TRHDE: variants seen among roughly 807,000 people sequenced by gnomAD.
TRHDE encodes thyrotropin releasing hormone degrading enzyme, also known as thyrotropin-releasing hormone-degrading ectoenzyme.
Under a neutral mutation model 125.7 loss-of-function variants are expected in TRHDE, and 72 were observed. That is an observed-to-expected ratio of 0.57 (90% CI 0.47 to 0.70). The LOEUF (loss-of-function observed/expected upper bound fraction) is 0.70. Ranked by LOEUF, TRHDE falls within the 30% of genes least tolerant of loss-of-function variation. The pLI is 0.00. For synonymous variants in TRHDE, 509 were observed against 509.1 expected, an observed-to-expected ratio of 1.00 and a Z score of 0.00; for missense variants, 1,110 against 1,327.1, an observed-to-expected ratio of 0.84 and a Z score of 2.54.
At chr12:72,593,645 C>T (rs1484440757) in intron 12 of TRHDE, among the ~76,000 whole-genome samples, 1 of 152,120 alleles carries the variant, frequency 6.6e-6, no homozygotes, top group Non-Finnish European at 1.5e-5. Context: ...AGGTATATCT[C>T]CTAATGCTAT....
At chr12:72,605,364 C>T (rs6582095) in intron 12 of TRHDE, among the ~76,000 whole-genome samples, 61,395 of 151,884 alleles carry the variant, frequency 0.4, 14,418 homozygotes, top group African/African-American at 0.64. Flanking sequence ...CATTATACTC[C>T]TTGCGACTCA....
chr12:72,369,396 A>G (rs918616050), intron 2 of TRHDE, among the ~76,000 whole-genome samples: 1 of 152,198 alleles, frequency 6.6e-6, no homozygotes, highest in Non-Finnish European at 1.5e-5. Flanking sequence ...AAAGAAGAAT[A>G]CACAGGAGTA....
Position 72,501,914 on chromosome 12 carries a change from G to A in TRHDE, c.1722+2279G>A, listed in dbSNP as rs906131433. ...CGAGCATTGGTAGTTTCTTTCTCACGCACTTCGCCCATTTCATCTAAAATG... is the reference window on the plus strand; with the variant it reads ...CGAGCATTGGTAGTTTCTTTCTCACACACTTCGCCCATTTCATCTAAAATG... On this transcript the variant is annotated intron_variant, in intron 6 of 18. Transcript: ENST00000261180. 3.3e-5 allele frequency among the ~76,000 whole-genome samples: 5 copies of A among 151,914 alleles called. No homozygotes were observed. The East Asian group carries it at 7.7e-4, about 23-fold the overall frequency.
chr12:72,464,190 C>A (rs11179218), intron 3 of TRHDE, among the ~76,000 whole-genome samples: 14,407 of 152,174 alleles, frequency 0.095, 865 homozygotes, highest in African/African-American at 0.16. Context: ...AGAGAGCAGT[C>A]TGGGCATGTG....
intron 1 of TRHDE, among the ~76,000 whole-genome samples, chr12:72,282,298 A>G (rs937218394): frequency 4.6e-5 from 7 of 152,016 alleles, no homozygotes; most frequent in Non-Finnish European, 8.8e-5. Context: ...AATTTTTTAT[A>G]TTTATTATAC....
intron 1 of TRHDE, among the ~76,000 whole-genome samples, chr12:72,285,385 C>CA (rs1296995274): frequency 6.6e-6 from 1 of 152,102 alleles, no homozygotes; most frequent in African/African-American, 2.4e-5. Context: ...CTTCAGAACT[C>CA]AATAGTATTC....
At chr12:72,586,780 T>G (rs1196764260) in intron 12 of TRHDE, among the ~76,000 whole-genome samples, 1 of 142,648 alleles carries the variant, frequency 7.0e-6, no homozygotes, top group Admixed American at 6.9e-5. Flanking sequence ...CAGGTGGTCA[T>G]GCTAACCAAA....
chr12:72,096,134 TACACACAC>T (rs144560604), intron 1 of TRHDE, among the ~76,000 whole-genome samples: 13 of 145,196 alleles, frequency 9.0e-5, no homozygotes, highest in Admixed American at 4.8e-4. Flanking sequence ...CTTATGTGTA[TACACACAC>T]ACACACACAC....
chr12:72,115,062 C>A (rs1402390419), intron 2 of TRHDE, among the ~76,000 whole-genome samples: 1 of 151,874 alleles, frequency 6.6e-6, no homozygotes. Context: ...ATGGGGTATC[C>A]ATCTATCCTT....
At chr12:72,334,485 G>A (rs910347084) in intron 2 of TRHDE, among the ~76,000 whole-genome samples, 1 of 152,182 alleles carries the variant, frequency 6.6e-6, no homozygotes, top group African/African-American at 2.4e-5. Context: ...ATGAAGGGGA[G>A]CCGGATATGG....
chr12:72,185,060 C>T (rs970579118), intron 2 of TRHDE, among the ~76,000 whole-genome samples: 1 of 152,050 alleles, frequency 6.6e-6, no homozygotes, highest in Non-Finnish European at 1.5e-5. Flanking sequence ...GAGCGGGAAC[C>T]GGGGCTGCCT....
intron 2 of TRHDE, among the ~76,000 whole-genome samples, chr12:72,196,345 C>T (rs1255326093): frequency 1.3e-5 from 2 of 152,106 alleles, no homozygotes; most frequent in Non-Finnish European, 2.9e-5. Flanking sequence ...TTGAATCTTC[C>T]AATCCATGAG....
At chr12:72,379,099 T>C (rs1480999443) in intron 3 of TRHDE, among the ~76,000 whole-genome samples, 1 of 152,176 alleles carries the variant, frequency 6.6e-6, no homozygotes, top group Non-Finnish European at 1.5e-5. Context: ...GCTTACTTGA[T>C]CAAAAGTTTT....
At chr12:72,445,977 G>C (rs1875257714) in intron 3 of TRHDE, among the ~76,000 whole-genome samples, 3 of 151,716 alleles carry the variant, frequency 2.0e-5, no homozygotes, top group Non-Finnish European at 4.4e-5. Context: ...TTTATTTACA[G>C]GTCTCTACTC....
At chr12:72,374,292 A>AGTGT (rs148577049) in intron 2 of TRHDE, among the ~76,000 whole-genome samples, 10,466 of 133,952 alleles carry the variant, frequency 0.078, 423 homozygotes, top group Middle Eastern at 0.12. Context: ...TAGAAGGAGA[A>AGTGT]GTGTGTGTGT....
At chr12:72,108,448 A>T (rs1193988938) in intron 2 of TRHDE, among the ~76,000 whole-genome samples, 1 of 152,120 alleles carries the variant, frequency 6.6e-6, no homozygotes, top group Non-Finnish European at 1.5e-5. Flanking sequence ...ACACTGATAC[A>T]TATATTTTTT....
chr12:72,294,475 G>A (rs1047468071), intron 2 of TRHDE, among the ~76,000 whole-genome samples: 7 of 152,086 alleles, frequency 4.6e-5, no homozygotes, highest in Non-Finnish European at 7.4e-5. Context: ...TGGTCATCCC[G>A]TTGCTTGTGC....
chr12:72,319,099 A>G (rs1298496380), intron 2 of TRHDE, among the ~76,000 whole-genome samples: 4 of 152,144 alleles, frequency 2.6e-5, no homozygotes, highest in African/African-American at 4.8e-5. Flanking sequence ...GTAAATACTG[A>G]GAATACAGGA....
rs868683846 is a variant in TRHDE, at chr12:72,499,567, C to G, written c.1654C>G (p.Pro552Ala). 6.2e-7 allele frequency: 1 copy of G among 1,613,878 alleles called. No homozygotes were observed. Among genetic ancestry groups the G allele is most frequent in the Non-Finnish European group, 8.5e-7 (1 of 1,179,880 alleles). ...GCTGGACGGTTTGGCCAGTTCCCATCCAGTATCACAGGAAGTGCTGCAGGC... is the reference window on the plus strand; with the variant it reads ...GCTGGACGGTTTGGCCAGTTCCCATGCAGTATCACAGGAAGTGCTGCAGGC... ...MLLDGLASSH[P>A]VSQEVLQATD... The change falls in exon 6 of 19, where the codon CCA becomes GCA. Residue 552 changes from proline (P) to alanine (A), a missense_variant. Physicochemically the swap from Pro to Ala is conservative, Grantham distance 27. Coordinates refer to ENST00000261180, the MANE Select transcript of TRHDE (RefSeq NM_013381.3).
Sources: gnomAD v4.1 joint callset for allele counts (sites outside exome capture counted in the v4.1 genomes callset) on GRCh38, gnomAD v4.1.1 for gene constraint, MANE v1.5 for transcripts, NCBI Gene and HGNC (gene_info 2026-07-23, HGNC 2026-07-21) for gene names.